Variants in RHOU observed in about 807,000 individuals in gnomAD.
RHOU encodes the protein ras homolog family member U, also known as rho-related GTP-binding protein RhoU.
A neutral mutation model predicts 12.6 loss-of-function variants in RHOU; 8 were observed. The ratio of observed to expected loss-of-function variants is 0.64; its 90% CI spans 0.37 to 1.15. RHOU has a LOEUF of 1.15. Ranked by LOEUF, RHOU falls within the 50% of genes most tolerant of loss-of-function variation. The pLI, the probability that RHOU is intolerant of heterozygous loss-of-function variation, is 0.01. For synonymous variants in RHOU, 161 were observed against 147.4 expected, an observed-to-expected ratio of 1.09 and a Z score of -0.67; for missense variants, 258 against 347.0, an observed-to-expected ratio of 0.74 and a Z score of 2.04.
chr1:228,705,476 A>C, the RHOU span, among the ~76,000 whole-genome samples: 223 of 152,316 alleles, frequency 1.5e-3, no homozygotes, highest in African/African-American at 5.2e-3. Context: ...TTTGGCTCTC[A>C]GATCCCCTTG....
At chr1:228,726,485 T>C in the RHOU span, among the ~76,000 whole-genome samples, 1 of 152,028 alleles carries the variant, frequency 6.6e-6, no homozygotes, top group Non-Finnish European at 1.5e-5. Flanking sequence ...ATCGACATGG[T>C]GAAACCCCGT....
At chr1:228,726,468 C>T in the RHOU span, among the ~76,000 whole-genome samples, 2 of 152,088 alleles carry the variant, frequency 1.3e-5, no homozygotes, top group Non-Finnish European at 2.9e-5. Flanking sequence ...GTTCGAGACT[C>T]AGCCTGATCG....
upstream of RHOU, among the ~76,000 whole-genome samples, chr1:228,732,901 A>G (rs1290650466): frequency 1.3e-5 from 2 of 152,252 alleles, no homozygotes; most frequent in South Asian, 2.1e-4. Flanking sequence ...CATCACAATA[A>G]GTTACAAATT....
chr1:228,716,645 T>C, the RHOU span, among the ~76,000 whole-genome samples: 3 of 152,288 alleles, frequency 2.0e-5, no homozygotes, highest in Non-Finnish European at 2.9e-5. Flanking sequence ...CACAACATAG[T>C]TGACATTCAG....
Position 228,737,405 on chromosome 1 carries a change from A to G in RHOU, c.263-268A>G, listed in dbSNP as rs974608598. On this transcript the variant is annotated intron_variant, in intron 1 of 2. Coordinates refer to ENST00000366691, the MANE Select transcript of RHOU (RefSeq NM_021205.6). The surrounding 1 kb of genome is among the most constrained non-coding windows in gnomAD (Gnocchi z 4.1). ...AATAAATCTTCCAGGACTGGGAGAA[A>G]AGCATAGGCCTTTTTAGGGTCACCA... 3.3e-5 allele frequency among the ~76,000 whole-genome samples: 5 copies of G among 152,188 alleles called. No homozygotes were observed. Among genetic ancestry groups the G allele is most frequent in the African/African-American group, 1.2e-4 (5 of 41,438 alleles).
chr1:228,672,863 A>G, the RHOU span, among the ~76,000 whole-genome samples: 2 of 152,264 alleles, frequency 1.3e-5, 1 homozygote, highest in South Asian at 4.1e-4. Flanking sequence ...GTACTGAGAC[A>G]AAGTCAATGA....
the RHOU span, among the ~76,000 whole-genome samples, chr1:228,716,000 C>T: frequency 2.7e-5 from 4 of 150,842 alleles, no homozygotes; most frequent in Admixed American, 1.3e-4. Context: ...CTGCAGTCAA[C>T]ATCTTAGGCT....
the RHOU span, among the ~76,000 whole-genome samples, chr1:228,689,107 C>T: frequency 1.3e-5 from 2 of 152,202 alleles, no homozygotes; most frequent in South Asian, 4.1e-4. Context: ...CTTCCGTCTC[C>T]CTCATCCCTG....
At chr1:228,690,197 G>C in the RHOU span, among the ~76,000 whole-genome samples, 1 of 151,966 alleles carries the variant, frequency 6.6e-6, no homozygotes, top group African/African-American at 2.4e-5. Flanking sequence ...TTGTTTTTTA[G>C]AGCAGGAGTG....
At chr1:228,647,203 CG>C in the RHOU span, among the ~76,000 whole-genome samples, 1 of 152,182 alleles carries the variant, frequency 6.6e-6, no homozygotes, top group Non-Finnish European at 1.5e-5. Context: ...AGCGCTGAGA[CG>C]GGTTTTTTCT....
upstream of RHOU, among the ~76,000 whole-genome samples, chr1:228,734,407 G>A (rs954053562): frequency 2.0e-5 from 3 of 152,134 alleles, no homozygotes; most frequent in African/African-American, 7.2e-5. Context: ...AGAAGCTCAG[G>A]CTCTGGGGCT....
At chr1:228,664,753 C>G in the RHOU span, among the ~76,000 whole-genome samples, 1 of 152,184 alleles carries the variant, frequency 6.6e-6, no homozygotes. Context: ...TCTGCTTCAG[C>G]CTCCCGAGTA....
chr1:228,718,462 G>C, the RHOU span, among the ~76,000 whole-genome samples: 1 of 152,284 alleles, frequency 6.6e-6, no homozygotes, highest in Non-Finnish European at 1.5e-5. Flanking sequence ...TGACTCATGA[G>C]ACTCATGAAT....
chr1:228,716,399 A>G, the RHOU span, among the ~76,000 whole-genome samples: 5 of 152,130 alleles, frequency 3.3e-5, no homozygotes, highest in Admixed American at 1.3e-4. Context: ...AAATCATTCT[A>G]TATATGTTAA....
chr1:228,657,999 G>A, the RHOU span, among the ~76,000 whole-genome samples: 1 of 152,178 alleles, frequency 6.6e-6, no homozygotes, highest in Non-Finnish European at 1.5e-5. Flanking sequence ...GGTGGACAGT[G>A]GCCTGGGGTG....
In RHOU at chr1:228,735,500, G is replaced by C. The variant is rs990766958; in HGVS notation, c.-243G>C. 1 of 270,190 alleles carries C rather than the reference G, an allele frequency of 3.7e-6. No individual in the cohort carries two copies. Among genetic ancestry groups the C allele is most frequent in the East Asian group, 6.8e-5 (1 of 14,790 alleles). 16.7% of individuals were successfully genotyped at this position (270,190 alleles called of 1,614,324 possible). A position where few individuals can be genotyped will look rare whatever the true frequency, so the allele number is the denominator to read the frequency against. On this transcript the variant is annotated 5_prime_UTR_variant, in exon 1 of 3. Transcript: ENST00000366691. The surrounding 1 kb of genome is among the most constrained non-coding windows in gnomAD (Gnocchi z 8.1). Reference sequence around the variant, plus strand: ...AGACAGAGCGCTTGGGATCCACGGCGCTCGGACCGCTGTCCTCCAACAGCG... The same window carrying C: ...AGACAGAGCGCTTGGGATCCACGGCCCTCGGACCGCTGTCCTCCAACAGCG...
the RHOU span, among the ~76,000 whole-genome samples, chr1:228,709,447 A>G: frequency 2.6e-5 from 4 of 151,044 alleles, no homozygotes; most frequent in African/African-American, 9.7e-5. Flanking sequence ...AACAGAAATT[A>G]TAACAAACTA....
At chr1:228,666,499 A>G in the RHOU span, among the ~76,000 whole-genome samples, 1 of 152,182 alleles carries the variant, frequency 6.6e-6, no homozygotes, top group Non-Finnish European at 1.5e-5. Context: ...TAGTCATCCT[A>G]CAGTGATATA....
At chr1:228,699,377 G>A in the RHOU span, among the ~76,000 whole-genome samples, 1 of 148,824 alleles carries the variant, frequency 6.7e-6, no homozygotes, top group Non-Finnish European at 1.5e-5. Flanking sequence ...AAGCCCAGGA[G>A]GTTGAGACTG....
Sources: gnomAD v4.1 joint callset for allele counts (sites outside exome capture counted in the v4.1 genomes callset) on GRCh38, gnomAD v4.1.1 for gene constraint, Gnocchi (gnomAD v3.1) non-coding constraint, MANE v1.5 for transcripts, NCBI Gene and HGNC (gene_info 2026-07-23, HGNC 2026-07-21) for gene names.